The following COG6 variants were observed in gnomAD, a reference collection of about 807,000 sequenced individuals.
The protein encoded by COG6 is component of oligomeric golgi complex 6.
In COG6, 74 loss-of-function variants were observed where a neutral mutation model predicts 88.8. That is an observed-to-expected ratio of 0.83 (90% CI 0.69 to 1.01). The LOEUF (loss-of-function observed/expected upper bound fraction) is 1.01. Among genes scored for constraint, COG6 ranks in the 50% least tolerant of loss-of-function variants. COG6 has a pLI of 0.00. For synonymous variants in COG6, 286 were observed against 278.7 expected, an observed-to-expected ratio of 1.03 and a Z score of -0.26; for missense variants, 800 against 797.9, an observed-to-expected ratio of 1.00 and a Z score of -0.03.
chr13:39,752,152 A>T lies in COG6; in HGVS notation c.*1059A>T. 8.3e-7 allele frequency: 1 copy of T among 1,212,036 alleles called. No individual in the cohort carries two copies. The highest frequency in any genetic ancestry group is 1.1e-6 in the Non-Finnish European group (1 of 943,692). The allele number at this position is 1,212,036 out of a possible 1,614,324, so 75.1% of individuals were successfully genotyped here. Reference sequence around the variant, plus strand: ...TGATTTGACATTCTTGTCAGCAAAAAAAAACTTAATTTCTAGTAAATCTAT... The same window carrying T: ...TGATTTGACATTCTTGTCAGCAAAATAAAACTTAATTTCTAGTAAATCTAT... On this transcript the variant is annotated 3_prime_UTR_variant, in exon 19 of 19. Transcript: ENST00000455146.
chr13:39,667,192 C>G (rs1370777576), intron 4 of COG6, among the ~76,000 whole-genome samples: 1 of 151,976 alleles, frequency 6.6e-6, no homozygotes, highest in Non-Finnish European at 1.5e-5. Flanking sequence ...GGTAGAATAC[C>G]AAATAAAATA....
At chr13:39,788,406 G>A in exon 19 of COG6, 1 of 1,542,636 alleles carries the variant, frequency 6.5e-7, no homozygotes, top group Non-Finnish European at 8.8e-7. Context: ...CATTCCAGTT[G>A]TGGGAGGTGA....
At chr13:39,777,513 C>A (rs1392853184) in intron 18 of COG6, among the ~76,000 whole-genome samples, 1 of 152,070 alleles carries the variant, frequency 6.6e-6, no homozygotes, top group Non-Finnish European at 1.5e-5. Context: ...GAGAAGAAAC[C>A]GGCCAGGTTT....
chr13:39,772,473 T>TG (rs1881348052), intron 18 of COG6, among the ~76,000 whole-genome samples: 1 of 152,170 alleles, frequency 6.6e-6, no homozygotes, highest in Non-Finnish European at 1.5e-5. Context: ...CTCTCCATTG[T>TG]TTGAGGGTTG....
At chr13:39,689,643 A>G (rs562781669) in intron 10 of COG6, 117 bp from the exon 11 acceptor site, 1 of 667,596 alleles carries the variant, frequency 1.5e-6, no homozygotes. Context: ...TGGTTATTTT[A>G]AAAGTCATTA....
At position 39,719,724 on chromosome 13, in the gene COG6, C is replaced by T. The variant is rs1482714221; in HGVS notation, c.1481C>T (p.Thr494Ile). The T allele has an allele frequency of 1.9e-6, 3 of 1,612,306 alleles. No homozygotes were observed. Among genetic ancestry groups the T allele is most frequent in the Non-Finnish European group, 2.5e-6 (3 of 1,178,620 alleles). Residue 494 changes from threonine to isoleucine, a missense_variant, in exon 15 of 19, where the codon ACA (threonine) becomes ATA (isoleucine). Physicochemically the swap from Thr to Ile is moderately conservative, Grantham distance 89. Transcript: ENST00000455146. The stretch of plus-strand genomic sequence containing the variant: ...ACTGTATCAGCCAGCAATTTAGGCA[C>T]AGCTGACATGGCCACTTTCATGGTC... ...MCTVSASNLG[T>I]ADMATFMVNS...
intron 13 of COG6, among the ~76,000 whole-genome samples, chr13:39,709,467 G>A (rs1439505155): frequency 3.5e-5 from 5 of 143,608 alleles, no homozygotes; most frequent in Non-Finnish European, 7.6e-5. Flanking sequence ...ACCTGTCTGA[G>A]TCTCCATTGT....
chr13:39,693,099 G>A (rs192649005), intron 11 of COG6, among the ~76,000 whole-genome samples: 399 of 152,046 alleles, frequency 2.6e-3, no homozygotes, highest in African/African-American at 9.3e-3. Flanking sequence ...AAGACAGAGT[G>A]TTTATTTCTG....
chr13:39,719,209 G>A (rs368671378), intron 13 of COG6, 27 bp from the exon 14 acceptor site: 30 of 1,608,878 alleles, frequency 1.9e-5, no homozygotes, highest in Non-Finnish European at 2.6e-5. Context: ...AAAATATAAG[G>A]AGTGGGTAAA....
downstream of COG6, among the ~76,000 whole-genome samples, chr13:39,754,703 A>G (rs3012147): frequency 0.26 from 39,625 of 152,024 alleles, 5,207 homozygotes; most frequent in African/African-American, 0.28. Context: ...TTTCTTAAGT[A>G]CCTACTAGGT....
intron 7 of COG6, among the ~76,000 whole-genome samples, chr13:39,681,440 C>T (rs533567990): frequency 2.6e-5 from 4 of 152,184 alleles, no homozygotes; most frequent in South Asian, 2.1e-4. Flanking sequence ...TTTGTGCTCC[C>T]GCAACATCTT....
chr13:39,767,898 T>G (rs1881213605), intron 18 of COG6, among the ~76,000 whole-genome samples: 1 of 152,146 alleles, frequency 6.6e-6, no homozygotes, highest in African/African-American at 2.4e-5. Flanking sequence ...GAGCTTTGAT[T>G]TTAAAAATGG....
intron 11 of COG6, among the ~76,000 whole-genome samples, chr13:39,692,962 A>G (rs559535380): frequency 1.3e-5 from 2 of 152,000 alleles, no homozygotes; most frequent in African/African-American, 4.8e-5. Flanking sequence ...AGTTGCTGCT[A>G]CCACCACTCC....
At chr13:39,694,607 T>A in intron 11 of COG6, 27 bp from the exon 12 acceptor site, 1 of 1,364,656 alleles carries the variant, frequency 7.3e-7, no homozygotes, top group Non-Finnish European at 1.0e-6. Context: ...TAAGAAATGT[T>A]TACTTTCCTC....
At position 39,752,075 on chromosome 13, in the gene COG6, T is replaced by G; in HGVS notation, c.*982T>G. 1 of 1,285,650 alleles carries G rather than the reference T, an allele frequency of 7.8e-7. No individual in the cohort carries two copies. Among genetic ancestry groups the G allele is most frequent in the Non-Finnish European group, 1.0e-6 (1 of 987,432 alleles). 79.6% of individuals were successfully genotyped at this position (1,285,650 alleles called of 1,614,324 possible). On this transcript the variant is annotated 3_prime_UTR_variant, in exon 19 of 19. Transcript: ENST00000455146. ...GACTCTGACTTTAGACCATTACCTA[T>G]TAGGAAGATTAAAAATGACTGTATT...
At chr13:39,673,101 T>C (rs1875749758) in intron 4 of COG6, among the ~76,000 whole-genome samples, 1 of 152,124 alleles carries the variant, frequency 6.6e-6, no homozygotes, top group South Asian at 2.1e-4. Context: ...TATTTATTGG[T>C]TGTAAAAGTT....
At chr13:39,786,532 A>C (rs1032748177) in intron 18 of COG6, among the ~76,000 whole-genome samples, 2 of 152,186 alleles carry the variant, frequency 1.3e-5, no homozygotes, top group Non-Finnish European at 2.9e-5. Context: ...TGACAACCCC[A>C]GTAGGGTAAG....
chr13:39,740,169 A>C (rs1023831638), intron 18 of COG6, among the ~76,000 whole-genome samples: 1 of 152,200 alleles, frequency 6.6e-6, no homozygotes, highest in Non-Finnish European at 1.5e-5. Flanking sequence ...TAATCTGTAA[A>C]TAACTCCAAC....
chr13:39,678,959 GA>G (rs1239242508), intron 5 of COG6, among the ~76,000 whole-genome samples: 1 of 151,810 alleles, frequency 6.6e-6, no homozygotes, highest in Non-Finnish European at 1.5e-5. Flanking sequence ...ATTCATCAAA[GA>G]AAAATAACAC....
Sources: gnomAD v4.1 joint callset for allele counts (sites outside exome capture counted in the v4.1 genomes callset) on GRCh38, gnomAD v4.1.1 for gene constraint, MANE v1.5 for transcripts, NCBI Gene and HGNC (gene_info 2026-07-23, HGNC 2026-07-21) for gene names.